MACROD2: variants seen among roughly 807,000 people sequenced by gnomAD.
The protein encoded by MACROD2 is mono-ADP ribosylhydrolase 2.
Under a neutral mutation model 70.4 loss-of-function variants are expected in MACROD2, and 36 were observed. That is an observed-to-expected ratio of 0.51 (90% CI 0.39 to 0.68). MACROD2 has a LOEUF of 0.68. MACROD2 is among the 30% of genes least tolerant of loss of function. The pLI, the probability that MACROD2 is intolerant of heterozygous loss-of-function variation, is 0.00. For synonymous variants in MACROD2, 172 were observed against 178.8 expected (o/e 0.96, Z 0.30); for missense variants, 496 against 538.4 (o/e 0.92, Z 0.78).
intron 6 of MACROD2, among the ~76,000 whole-genome samples, chr20:15,310,870 C>T (rs1006624305): frequency 2.6e-5 from 4 of 152,118 alleles, no homozygotes; most frequent in African/African-American, 9.7e-5. Context: ...TGCACTATAT[C>T]CCAAAGGAAC....
chr20:15,534,985 T>A (rs191538391), intron 8 of MACROD2, among the ~76,000 whole-genome samples: 1 of 152,264 alleles, frequency 6.6e-6, no homozygotes, highest in Admixed American at 6.5e-5. Flanking sequence ...CATATATATA[T>A]GTTTTTTTGA....
chr20:15,707,003 G>A (rs1181202182), intron 8 of MACROD2, among the ~76,000 whole-genome samples: 1 of 152,164 alleles, frequency 6.6e-6, no homozygotes, highest in African/African-American at 2.4e-5. Context: ...TTTCTTTGTA[G>A]CTGGATTTAC....
intron 5 of MACROD2, among the ~76,000 whole-genome samples, chr20:15,050,470 A>G (rs2075430593): frequency 6.6e-6 from 1 of 151,562 alleles, no homozygotes; most frequent in Non-Finnish European, 1.5e-5. Flanking sequence ...CATAATTTTA[A>G]CATTTTTGTC....
At chr20:14,075,921 C>CT (rs1232801034) in intron 2 of MACROD2, among the ~76,000 whole-genome samples, 1 of 152,130 alleles carries the variant, frequency 6.6e-6, no homozygotes, top group East Asian at 1.9e-4. Context: ...CAGTTACTGC[C>CT]TAAAATTTGG....
At chr20:15,207,631 C>A (rs879620873) in intron 5 of MACROD2, among the ~76,000 whole-genome samples, 10 of 151,440 alleles carry the variant, frequency 6.6e-5, no homozygotes, top group African/African-American at 2.2e-4. Flanking sequence ...TCAGTAGAGA[C>A]GGGGTTTCAC....
intron 5 of MACROD2, among the ~76,000 whole-genome samples, chr20:14,815,153 A>G (rs897321374): frequency 6.6e-6 from 1 of 152,044 alleles, no homozygotes; most frequent in Non-Finnish European, 1.5e-5. Context: ...TTAATCTGTT[A>G]CCCAATAACA....
intron 2 of MACROD2, among the ~76,000 whole-genome samples, chr20:14,025,973 G>T (rs1490202221): frequency 6.6e-6 from 1 of 152,154 alleles, no homozygotes; most frequent in Admixed American, 6.5e-5. Context: ...TACTGTGTGG[G>T]AGTCTAAGTC....
At chr20:14,358,647 A>G (rs1286444453) in intron 3 of MACROD2, among the ~76,000 whole-genome samples, 1 of 151,954 alleles carries the variant, frequency 6.6e-6, no homozygotes, top group African/African-American at 2.4e-5. Context: ...TGGTAGAGAC[A>G]GGGTTTTACC....
At chr20:15,440,376 G>A (rs942376541) in intron 7 of MACROD2, among the ~76,000 whole-genome samples, 2 of 152,124 alleles carry the variant, frequency 1.3e-5, no homozygotes, top group Non-Finnish European at 2.9e-5. Context: ...TGTTATCAAC[G>A]TGGAGTGCCT....
intron 17 of MACROD2, among the ~76,000 whole-genome samples, chr20:16,044,888 G>C (rs750560897): frequency 3.9e-5 from 6 of 152,110 alleles, no homozygotes; most frequent in Non-Finnish European, 8.8e-5. Context: ...TCTGTGCTTT[G>C]ACAAGTAAAA....
chr20:15,603,904 A>G (rs1318494170), intron 8 of MACROD2, among the ~76,000 whole-genome samples: 2 of 151,930 alleles, frequency 1.3e-5, no homozygotes, highest in Middle Eastern at 3.2e-3. Flanking sequence ...ATTGAACAAT[A>G]TGTGTTCTGG....
rs767642811 is a variant in MACROD2, at chr20:14,422,647, A to G, written c.272-70832A>G. 4.6e-5 allele frequency among the ~76,000 whole-genome samples: 7 copies of G among 152,268 alleles called. No individual in the cohort carries two copies. In the South Asian group the frequency reaches 6.2e-4, roughly 14 times the overall value. The stretch of plus-strand genomic sequence containing the variant: ...TTATGGCAATGTAATTTGCATGGAT[A>G]CTAGTTAAACTTTGGTCACATACAA... On this transcript the variant is annotated intron_variant, in intron 3 of 17. Coordinates refer to ENST00000684519, the MANE Select transcript of MACROD2 (RefSeq NM_001351661.2).
intron 9 of MACROD2, among the ~76,000 whole-genome samples, chr20:15,880,204 C>A (rs2064734665): frequency 6.6e-6 from 1 of 152,116 alleles, no homozygotes; most frequent in African/African-American, 2.4e-5. Flanking sequence ...ACCATCACTC[C>A]TGGCATGGAA....
intron 2 of MACROD2, among the ~76,000 whole-genome samples, chr20:14,027,227 T>A (rs1164639628): frequency 6.6e-6 from 1 of 152,160 alleles, no homozygotes; most frequent in Non-Finnish European, 1.5e-5. Context: ...ATCTCTGATA[T>A]CCTTTCTTCC....
chr20:15,177,991 C>T (rs1484048436), intron 5 of MACROD2, among the ~76,000 whole-genome samples: 1 of 151,418 alleles, frequency 6.6e-6, no homozygotes. Context: ...AAGCAGGAAG[C>T]ATTGGTTTAC....
rs2048827147 is a variant in MACROD2 at position 15,601,960 on chromosome 20, G to A, written c.645+102113G>A. On this transcript the variant is annotated intron_variant, in intron 8 of 17. Coordinates refer to ENST00000684519, the MANE Select transcript of MACROD2 (RefSeq NM_001351661.2). ...GGAGAATTGCTTAAATCCGGGAGGTGGAGGTTCCAGTGAGCCGAGACTGTG... is the reference window on the plus strand; with the variant it reads ...GGAGAATTGCTTAAATCCGGGAGGTAGAGGTTCCAGTGAGCCGAGACTGTG... 2.6e-5 allele frequency among the ~76,000 whole-genome samples: 4 copies of A among 152,220 alleles called. No homozygotes were observed. The South Asian group carries it at 8.3e-4, about 32-fold the overall frequency.
chr20:14,572,654 A>G (rs1980273885), intron 4 of MACROD2, among the ~76,000 whole-genome samples: 1 of 152,088 alleles, frequency 6.6e-6, no homozygotes, highest in African/African-American at 2.4e-5. Context: ...GTTATTCAAA[A>G]ATAGACAAAA....
At chr20:15,538,588 A>G (rs1434800679) in intron 8 of MACROD2, among the ~76,000 whole-genome samples, 1 of 152,220 alleles carries the variant, frequency 6.6e-6, no homozygotes, top group African/African-American at 2.4e-5. Context: ...TTCAGTGCAA[A>G]TCTTCCAGGG....
At chr20:14,599,710 C>G (rs1245785039) in intron 4 of MACROD2, among the ~76,000 whole-genome samples, 1 of 152,068 alleles carries the variant, frequency 6.6e-6, no homozygotes, top group Non-Finnish European at 1.5e-5. Flanking sequence ...TGGATTCTAA[C>G]AGTGAGGGGC....
Sources: allele counts gnomAD v4.1 joint callset (sites outside exome capture counted in the v4.1 genomes callset), GRCh38; gene constraint gnomAD v4.1.1; transcripts MANE v1.5; gene names NCBI Gene and HGNC (gene_info 2026-07-23, HGNC 2026-07-21).